GARS1: variants seen among roughly 807,000 people sequenced by gnomAD.
GARS1 encodes glycyl-tRNA synthetase 1, also known as glycine--tRNA ligase.
A neutral mutation model predicts 86.4 loss-of-function variants in GARS1; 46 were observed. The observed-to-expected ratio is 0.53, with a 90% CI of 0.42 to 0.68. The LOEUF is 0.68. Among genes scored for constraint, GARS1 ranks in the 30% least tolerant of loss-of-function variants. GARS1 has a pLI of 0.00. For missense variants in GARS1, 797 were observed against 915.6 expected (o/e 0.87, Z 1.67); for synonymous variants, 342 against 329.8 (o/e 1.04, Z -0.40).
Position 30,628,983 on chromosome 7 carries a change from G to T in GARS1, c.1809+314G>T, listed in dbSNP as rs576437860. The stretch of plus-strand genomic sequence containing the variant: ...GAATGGTACTTTCTGGATATGCTGT[G>T]TTTCAGAAAATTGGGAAGGATGAGA... On this transcript the variant is annotated intron_variant, in intron 14 of 16. Coordinates refer to ENST00000389266, the MANE Select transcript of GARS1 (RefSeq NM_002047.4). 1.2e-3 allele frequency among the ~76,000 whole-genome samples: 182 copies of T among 152,290 alleles called. 4 individuals are homozygous for T. The highest frequency in any genetic ancestry group is 9.4e-4 in the Non-Finnish European group (64 of 68,022).
At chr7:30,613,935 T>C (rs944810940) in intron 8 of GARS1, among the ~76,000 whole-genome samples, 3 of 152,228 alleles carry the variant, frequency 2.0e-5, no homozygotes. Flanking sequence ...ATTAGATTGT[T>C]CATATGAAGA....
intron 13 of GARS1, chr7:30,627,018 G>T: frequency 2.2e-6 from 1 of 451,472 alleles, no homozygotes. Flanking sequence ...CAGTGATGTT[G>T]CATGCTTTTT....
intron 9 of GARS1, among the ~76,000 whole-genome samples, 186 bp from the exon 10 acceptor site, chr7:30,616,928 A>G (rs1408375985): frequency 3.3e-5 from 5 of 152,226 alleles, no homozygotes; most frequent in Admixed American, 3.3e-4. Flanking sequence ...ACATTAACCC[A>G]TTAAAAAATA....
At chr7:30,617,491 T>C (rs1782913207) in intron 10 of GARS1, among the ~76,000 whole-genome samples, 1 of 152,134 alleles carries the variant, frequency 6.6e-6, no homozygotes, top group Non-Finnish European at 1.5e-5. Flanking sequence ...GAGACAGAGT[T>C]AGTGTATGAT....
rs549491857 is a variant in GARS1, at chr7:30,619,058, C to G, written c.1359+1780C>G. 5.6e-4 allele frequency among the ~76,000 whole-genome samples: 85 copies of G among 152,256 alleles called. No homozygotes were observed. The South Asian group carries it at 0.017, about 30-fold the overall frequency. Reference sequence around the variant, plus strand: ...CTCCTTCTCTTAGTTTGCTCTGATTCTGATTTCAGATTAAACCAGATGTTG... The same window carrying G: ...CTCCTTCTCTTAGTTTGCTCTGATTGTGATTTCAGATTAAACCAGATGTTG... On this transcript the variant is annotated intron_variant, in intron 10 of 16. Transcript: ENST00000389266.
At chr7:30,612,395 C>T (rs912364972) in intron 8 of GARS1, 150 bp downstream of exon 8, 1 of 831,458 alleles carries the variant, frequency 1.2e-6, no homozygotes, top group Non-Finnish European at 1.9e-6. Context: ...CATTTGGAAT[C>T]TCTAAATGTA....
chr7:30,601,110 AT>A lies in GARS1; in HGVS notation c.480del (p.Asn160LysfsTer30), dbSNP rs1791366958. The A allele has an allele frequency of 6.2e-7, 1 of 1,613,898 alleles. No homozygotes were observed. Among genetic ancestry groups the A allele is most frequent in the African/African-American group, 1.3e-5 (1 of 74,922 alleles). On this transcript the variant is annotated frameshift_variant, in exon 4 of 17. Coordinates refer to ENST00000389266, the MANE Select transcript of GARS1 (RefSeq NM_002047.4). LOFTEE classifies it high-confidence loss of function. ...CCAGTTGGCTGTGCTTTGAAGAACA[AT>A]ATTATTCAGACCTGGAGGCAGCACT... ...FGPVGCALKNNIIQTWRQHFI... is the reference protein window; with the variant it reads ...FGPVGCALKNXIIQTWRQHFI...
At chr7:30,597,139 T>C (rs1295657725) in intron 1 of GARS1, among the ~76,000 whole-genome samples, 2 of 152,238 alleles carry the variant, frequency 1.3e-5, no homozygotes, top group Non-Finnish European at 1.5e-5. Context: ...CTTAAAGATA[T>C]CTGTGATGAG....
intron 11 of GARS1, chr7:30,621,713 T>C: frequency 1.7e-6 from 1 of 597,550 alleles, no homozygotes; most frequent in South Asian, 2.1e-5. Context: ...TGTTTGGCCT[T>C]TAAAAGAAGC....
chr7:30,596,379 A>G (rs1225889917), intron 1 of GARS1, among the ~76,000 whole-genome samples: 1 of 151,748 alleles, frequency 6.6e-6, no homozygotes, highest in Non-Finnish European at 1.5e-5. Context: ...CCCTCCACCC[A>G]CCTTCCACTC....
At position 30,603,528 on chromosome 7, in the gene GARS1, T is replaced by G. The variant is rs1584026626; in HGVS notation, c.691T>G (p.Cys231Gly). 1 of 1,613,956 alleles carries G rather than the reference T, an allele frequency of 6.2e-7. No homozygotes were observed. Among genetic ancestry groups the G allele is most frequent in the Non-Finnish European group, 8.5e-7 (1 of 1,179,958 alleles). Reference sequence around the variant, plus strand: ...ACAGAAATTGATGTCTGATAAGAAGTGTTCTGTCGAAAAGAAATCAGAAAT... The same window carrying G: ...ACAGAAATTGATGTCTGATAAGAAGGGTTCTGTCGAAAAGAAATCAGAAAT... The part of the protein sequence containing the change: ...HLQKLMSDKK[C>G]SVEKKSEMES... The change falls in exon 6 of 17, where the codon TGT (cysteine) becomes GGT (glycine). Residue 231 changes from cysteine to glycine, a missense_variant. By Grantham distance (159) the Cys-to-Gly change is radical. Coordinates refer to ENST00000389266, the MANE Select transcript of GARS1 (RefSeq NM_002047.4).
At chr7:30,599,914 CCACT>C (rs779769791) in intron 2 of GARS1, 29 bp from the exon 3 acceptor site, 35 of 1,231,076 alleles carry the variant, frequency 2.8e-5, no homozygotes, top group Non-Finnish European at 3.8e-5. Flanking sequence ...ACCCACCCCT[CCACT>C]CACTCACTTT....
Position 30,632,166 on chromosome 7 carries a change from G to C in GARS1, c.1904-81G>C. 7.4e-7 allele frequency: 1 copy of C among 1,350,712 alleles called. No individual in the cohort carries two copies. Among genetic ancestry groups the C allele is most frequent in the South Asian group, 1.2e-5 (1 of 80,984 alleles). The allele number at this position is 1,350,712 out of a possible 1,614,324, so 83.7% of individuals were successfully genotyped here. A position where few individuals can be genotyped will look rare whatever the true frequency, so the allele number is the denominator to read the frequency against. On this transcript the variant is annotated intron_variant, in intron 15 of 16. Coordinates refer to ENST00000389266, the MANE Select transcript of GARS1 (RefSeq NM_002047.4). This position sits in a 1 kb window ranked among gnomAD's most constrained non-coding sequence, Gnocchi z 4.1. ...TCTTGGTCCCATTTATAAGTCTCCT[G>C]AGCTTGTAAGACAGTAGTTAGATAA...
At position 30,633,818 on chromosome 7, in the gene GARS1, T is replaced by A. The variant is rs1468611166; in HGVS notation, c.2178T>A (p.Phe726Leu). 6.2e-7 allele frequency: 1 copy of A among 1,613,832 alleles called. No individual in the cohort carries two copies. The highest frequency in any genetic ancestry group is 8.5e-7 in the Non-Finnish European group (1 of 1,180,002). ...ATGTGGAGGCCAGGTATCCTCTGTT[T>A]GAAGGGCAAGAGACTGGTAAAAAAG... ...WADVEARYPL[F>L]EGQETGKKET... Residue 726 changes from phenylalanine (F) to leucine (L), a missense_variant, in exon 17 of 17, where the codon TTT becomes TTA. By Grantham distance (22) the Phe-to-Leu change is conservative (BLOSUM62 0). Transcript: ENST00000389266.
At chr7:30,597,948 A>G (rs1200638072) in intron 1 of GARS1, among the ~76,000 whole-genome samples, 1 of 152,240 alleles carries the variant, frequency 6.6e-6, no homozygotes, top group Non-Finnish European at 1.5e-5. Flanking sequence ...TACTATAAAT[A>G]TGGAATTAGT....
chr7:30,612,612 G>GGGTA, intron 8 of GARS1, among the ~76,000 whole-genome samples: 3 of 151,866 alleles, frequency 2.0e-5, no homozygotes, highest in African/African-American at 7.2e-5. Context: ...GGTCGGGTGG[G>GGGTA]GGTAGGGTGA....
chr7:30,605,954 A>G (rs1039636357), intron 6 of GARS1, among the ~76,000 whole-genome samples: 1 of 152,106 alleles, frequency 6.6e-6, no homozygotes, highest in African/African-American at 2.4e-5. Context: ...TGTTTCTTAT[A>G]TCTCTTCCAA....
intron 15 of GARS1, chr7:30,631,854 T>C: frequency 1.0e-5 from 4 of 384,116 alleles, no homozygotes; most frequent in South Asian, 9.3e-5. Context: ...CCATAATGGA[T>C]CTACAGCCAC....
At chr7:30,601,033 A>G (rs772510751) in intron 3 of GARS1, 26 bp from the exon 4 acceptor site, 4 of 1,611,604 alleles carry the variant, frequency 2.5e-6, no homozygotes, top group South Asian at 2.2e-5. Context: ...AAGGTAAAGT[A>G]TGTGTTTTCC....
Sources: gnomAD v4.1 joint callset for allele counts (sites outside exome capture counted in the v4.1 genomes callset) on GRCh38, gnomAD v4.1.1 for gene constraint, Gnocchi (gnomAD v3.1) non-coding constraint, MANE v1.5 for transcripts, NCBI Gene and HGNC (gene_info 2026-07-23, HGNC 2026-07-21) for gene names.